The following SEPTIN7 variants were observed in gnomAD, a reference collection of about 807,000 sequenced individuals.
The protein encoded by SEPTIN7 is septin 7.
A neutral mutation model predicts 63.3 loss-of-function variants in SEPTIN7; 10 were observed. The ratio of observed to expected loss-of-function variants is 0.16; its 90% CI spans 0.10 to 0.27. The LOEUF (loss-of-function observed/expected upper bound fraction) is 0.27, where lower values mean the gene tolerates loss of function less well. Among genes scored for constraint, SEPTIN7 ranks in the 10% least tolerant of loss-of-function variants. SEPTIN7 has a pLI of 1.00. For synonymous variants in SEPTIN7, 131 were observed against 165.3 expected (o/e 0.79, Z 1.59); for missense variants, 310 against 521.0 (o/e 0.59, Z 3.94).
chr7:35,845,458 C>G (rs1196938772), intron 3 of SEPTIN7, among the ~76,000 whole-genome samples: 1 of 152,132 alleles, frequency 6.6e-6, no homozygotes, highest in Non-Finnish European at 1.5e-5. Flanking sequence ...TGATTATAAA[C>G]ATTCGGGGCA....
intron 7 of SEPTIN7, 119 bp downstream of exon 7, chr7:35,880,059 A>G (rs1489472681): frequency 6.2e-6 from 4 of 643,506 alleles, no homozygotes; most frequent in Middle Eastern, 4.3e-4. Flanking sequence ...ATTGTCATTT[A>G]TACTGTATTA....
Position 35,904,920 on chromosome 7 carries a change from T to C in SEPTIN7, c.*627T>C, listed in dbSNP as rs1468572114. The stretch of plus-strand genomic sequence containing the variant: ...TATATTATTCTCATTTAGTGCCCTC[T>C]TTAGCCAGAATCTCATTACTGCTTC... On this transcript the variant is annotated 3_prime_UTR_variant, in exon 14 of 14. Transcript: ENST00000350320. 6 of 152,628 alleles carry C rather than the reference T, an allele frequency of 3.9e-5. No homozygotes were observed. Among genetic ancestry groups the C allele is most frequent in the East Asian group, 1.9e-4 (1 of 5,200 alleles). 9.5% of individuals were successfully genotyped at this position (152,628 alleles called of 1,614,324 possible). A position where few individuals can be genotyped will look rare whatever the true frequency, so the allele number is the denominator to read the frequency against.
At chr7:35,869,265 G>A (rs2715595) in intron 4 of SEPTIN7, among the ~76,000 whole-genome samples, 72,947 of 151,992 alleles carry the variant, frequency 0.48, 20,672 homozygotes, top group Non-Finnish European at 0.62. Flanking sequence ...AACTTTCTTA[G>A]TAAAGTAGTT....
At chr7:35,865,965 C>T (rs778975476) in intron 4 of SEPTIN7, among the ~76,000 whole-genome samples, 5 of 152,136 alleles carry the variant, frequency 3.3e-5, no homozygotes, top group Admixed American at 6.5e-5. Context: ...TGAATATCTT[C>T]CCAGAAACTC....
chr7:35,880,223 C>CTTTTTTTTTTTTTTTTTTTTTTT, intron 7 of SEPTIN7, among the ~76,000 whole-genome samples: 26 of 72,774 alleles, frequency 3.6e-4, no homozygotes, highest in African/African-American at 5.4e-4. Flanking sequence ...TTTTTCTTTT[C>CTTTTTTTTTTTTTTTTTTTTTTT]TTTTTTTTTT....
At chr7:35,890,121 G>C (rs1353252789) in intron 10 of SEPTIN7, among the ~76,000 whole-genome samples, 3 of 152,118 alleles carry the variant, frequency 2.0e-5, no homozygotes, top group Admixed American at 2.0e-4. Flanking sequence ...ATATATGATA[G>C]AAATGCTGTA....
chr7:35,859,885 G>A (rs1405028934), intron 3 of SEPTIN7, among the ~76,000 whole-genome samples: 1 of 152,108 alleles, frequency 6.6e-6, no homozygotes. Context: ...GATCTACAAT[G>A]TGTCTTTTAC....
intron 3 of SEPTIN7, among the ~76,000 whole-genome samples, chr7:35,839,523 T>TTTATGTTATGTTATG (rs59165377): frequency 0.072 from 10,608 of 148,218 alleles, 451 homozygotes; most frequent in Non-Finnish European, 0.083. Flanking sequence ...ATTTTTGTAA[T>TTTATGTTATGTTATG]TTATGTTATG....
At chr7:35,861,936 CA>C (rs1271606227) in intron 3 of SEPTIN7, among the ~76,000 whole-genome samples, 1 of 152,086 alleles carries the variant, frequency 6.6e-6, no homozygotes, top group African/African-American at 2.4e-5. Context: ...CTTAATTGGG[CA>C]TTTGCTTCAT....
At chr7:35,866,160 A>G (rs1785795837) in intron 4 of SEPTIN7, among the ~76,000 whole-genome samples, 1 of 152,152 alleles carries the variant, frequency 6.6e-6, no homozygotes, top group African/African-American at 2.4e-5. Flanking sequence ...TGAACCATGG[A>G]GGTGTATTCT....
In SEPTIN7 at chr7:35,906,490, C is replaced by T. The variant is rs1788613529; in HGVS notation, c.*2197C>T. 1 of 152,248 alleles carries T rather than the reference C, an allele frequency of 6.6e-6. No individual in the cohort carries two copies. The highest frequency in any genetic ancestry group is 1.5e-5 in the Non-Finnish European group (1 of 68,058). The allele number at this position is 152,248 out of a possible 1,614,324, so 9.4% of individuals were successfully genotyped here. On this transcript the variant is annotated 3_prime_UTR_variant, in exon 14 of 14. Transcript: ENST00000350320. Reference sequence around the variant, plus strand: ...CCTGTAGAAAGCAAAATGGCAGTGTCTGTTCTCCACTGTTGGAGGCATTAT... The same window carrying T: ...CCTGTAGAAAGCAAAATGGCAGTGTTTGTTCTCCACTGTTGGAGGCATTAT...
At chr7:35,852,537 T>C (rs1785011709) in intron 3 of SEPTIN7, among the ~76,000 whole-genome samples, 2 of 152,188 alleles carry the variant, frequency 1.3e-5, no homozygotes, top group Admixed American at 1.3e-4. Flanking sequence ...AGAATAATAG[T>C]ATTACCAAAC....
At chr7:35,867,810 T>G (rs1015240383) in intron 4 of SEPTIN7, among the ~76,000 whole-genome samples, 7 of 152,298 alleles carry the variant, frequency 4.6e-5, no homozygotes, top group African/African-American at 1.7e-4. Flanking sequence ...TTAGATTTTT[T>G]AAAGTTCTTA....
intron 6 of SEPTIN7, among the ~76,000 whole-genome samples, chr7:35,877,822 C>T (rs1264566606): frequency 6.6e-6 from 1 of 152,142 alleles, no homozygotes; most frequent in Non-Finnish European, 1.5e-5. Flanking sequence ...AGATAAGGCC[C>T]TCGCTGTAGA....
intron 1 of SEPTIN7, among the ~76,000 whole-genome samples, chr7:35,809,409 G>A (rs1788557496): frequency 6.6e-6 from 1 of 152,198 alleles, no homozygotes; most frequent in Non-Finnish European, 1.5e-5. Flanking sequence ...ACACTGAGAT[G>A]TTAGCTTAAA....
At chr7:35,912,398 T>A in the SEPTIN7 span, among the ~76,000 whole-genome samples, 1 of 152,252 alleles carries the variant, frequency 6.6e-6, no homozygotes, top group Non-Finnish European at 1.5e-5. Flanking sequence ...TCTGGCCATC[T>A]CTTCATTTCC....
intron 1 of SEPTIN7, among the ~76,000 whole-genome samples, chr7:35,818,178 C>T (rs921389407): frequency 1.3e-5 from 2 of 151,844 alleles, no homozygotes; most frequent in African/African-American, 2.4e-5. Context: ...GTGTGTTTAT[C>T]GTTGAAAGAG....
Position 35,905,436 on chromosome 7 carries a change from CA to C in SEPTIN7, c.*1144del, listed in dbSNP as rs2116409254. ...TTATATGCTTGTCTCATTTAGAATG[CA>C]TATGTGCTGATTTTCTAATTTAAGA... On this transcript the variant is annotated 3_prime_UTR_variant, in exon 14 of 14. Transcript: ENST00000350320. 6.6e-6 allele frequency: 1 copy of C among 152,294 alleles called. No homozygotes were observed. Among genetic ancestry groups the C allele is most frequent in the Admixed American group, 6.5e-5 (1 of 15,296 alleles). The allele number at this position is 152,294 out of a possible 1,614,324, so 9.4% of individuals were successfully genotyped here.
Position 35,904,478 on chromosome 7 carries a change from G to T in SEPTIN7, c.*185G>T. On this transcript the variant is annotated 3_prime_UTR_variant, in exon 14 of 14. Transcript: ENST00000350320. Reference sequence around the variant, plus strand: ...TAAGATGCCTTGAATTGTCTAGGGTGTTCTGTACTTAGAAAGTAAGAGCTC... The same window carrying T: ...TAAGATGCCTTGAATTGTCTAGGGTTTTCTGTACTTAGAAAGTAAGAGCTC... 2.4e-6 allele frequency: 1 copy of T among 423,672 alleles called. No homozygotes were observed. Among genetic ancestry groups the T allele is most frequent in the South Asian group, 7.3e-5 (1 of 13,648 alleles). 26.2% of individuals were successfully genotyped at this position (423,672 alleles called of 1,614,324 possible). A position where few individuals can be genotyped will look rare whatever the true frequency, so the allele number is the denominator to read the frequency against.
Sources: allele counts gnomAD v4.1 joint callset (sites outside exome capture counted in the v4.1 genomes callset), GRCh38; gene constraint gnomAD v4.1.1; transcripts MANE v1.5; gene names NCBI Gene and HGNC (gene_info 2026-07-23, HGNC 2026-07-21).